ME2: variants seen among roughly 807,000 people sequenced by gnomAD.
ME2 encodes the protein NAD-dependent malic enzyme, mitochondrial.
In ME2, 60 loss-of-function variants were observed where a neutral mutation model predicts 73.7. The ratio of observed to expected loss-of-function variants is 0.81; its 90% confidence interval spans 0.66 to 1.01. The LOEUF (loss-of-function observed/expected upper bound fraction) is 1.01, where lower values mean the gene tolerates loss of function less well. ME2 is among the 50% of genes least tolerant of loss of function. ME2 has a pLI of 0.00. For missense variants in ME2, 594 were observed against 705.5 expected, an observed-to-expected ratio of 0.84 and a Z score of 1.79; for synonymous variants, 199 against 236.9, an observed-to-expected ratio of 0.84 and a Z score of 1.47.
chr18:50,935,655 G>A (rs971189564), intron 13 of ME2: 1 of 149,430 alleles, frequency 6.7e-6, no homozygotes, highest in Non-Finnish European at 1.5e-5. Context: ...AGGAGGCTGA[G>A]ATGGGAAGAT....
chr18:50,896,444 T>G (rs1341340779), intron 2 of ME2, among the ~76,000 whole-genome samples: 4 of 152,182 alleles, frequency 2.6e-5, no homozygotes, highest in Non-Finnish European at 5.9e-5. Context: ...ATAGAGAGAC[T>G]CCTGGCTCTT....
In ME2 at chr18:50,939,539, C is replaced by T. The variant is rs191860283; in HGVS notation, c.1418-31C>T. 28 of 1,463,160 alleles carry T rather than the reference C, an allele frequency of 1.9e-5. No homozygotes were observed. The Admixed American group carries it at 3.9e-4, about 20-fold the overall frequency. 90.6% of individuals were successfully genotyped at this position (1,463,160 alleles called of 1,614,324 possible). ...ACTTCTTTCATAATTTGAAAAGTGA[C>T]CATACTAGTAAACTTTAAAATGTGT... On this transcript the variant is annotated intron_variant, in intron 13 of 15. Coordinates refer to ENST00000321341, the MANE Select transcript of ME2 (RefSeq NM_002396.5).
intron 13 of ME2, chr18:50,939,368 T>C (rs1917891754): frequency 2.1e-6 from 1 of 472,488 alleles, no homozygotes; most frequent in East Asian, 3.4e-5. Flanking sequence ...CCATTTGATA[T>C]TTCTGAAATT....
intron 2 of ME2, among the ~76,000 whole-genome samples, chr18:50,898,892 T>C (rs1314355987): frequency 2.6e-5 from 4 of 152,216 alleles, no homozygotes; most frequent in Non-Finnish European, 4.4e-5. Context: ...ATATAGGTAA[T>C]AGCATTTGGA....
rs775756042 is a variant in ME2 at position 50,908,111 on chromosome 18, C to T, written c.157C>T (p.Leu53Phe). The change falls in exon 3 of 16, where the codon CTT becomes TTT. Residue 53 changes from leucine to phenylalanine, a missense_variant. Transcript: ENST00000321341. ...QERQMLGLQG[L>F]LPPKIETQDI... is the part of the protein sequence containing the mutation. ...ACGACAAATGCTTGGTCTTCAAGGA[C>T]TTCTACCTCCCAAAATAGAGACACA... The T allele has an allele frequency of 3.7e-6, 6 of 1,601,072 alleles. No individual in the cohort carries two copies. The Admixed American group carries it at 1.0e-4, about 27-fold the overall frequency.
intron 12 of ME2, among the ~76,000 whole-genome samples, chr18:50,926,694 C>G (rs1468196617): frequency 6.6e-6 from 1 of 152,130 alleles, no homozygotes; most frequent in Non-Finnish European, 1.5e-5. Context: ...TTTACTATCT[C>G]TCTTGCTTTC....
intron 11 of ME2, among the ~76,000 whole-genome samples, chr18:50,925,401 C>T (rs1234363403): frequency 3.3e-5 from 5 of 152,178 alleles, no homozygotes; most frequent in Non-Finnish European, 7.3e-5. Context: ...ATCACTTGAA[C>T]CCAGGAGGGA....
intron 2 of ME2, among the ~76,000 whole-genome samples, chr18:50,900,658 A>T (rs1197283503): frequency 6.6e-6 from 1 of 152,124 alleles, no homozygotes; most frequent in Admixed American, 6.5e-5. Context: ...CCCAAATCTC[A>T]TCTTGAATTT....
chr18:50,899,814 G>A (rs1485440008), intron 2 of ME2, among the ~76,000 whole-genome samples: 1 of 152,104 alleles, frequency 6.6e-6, no homozygotes. Flanking sequence ...CTCCATTGAG[G>A]ACAATGACCA....
intron 3 of ME2, among the ~76,000 whole-genome samples, chr18:50,911,060 G>C (rs1002019926): frequency 6.6e-6 from 1 of 152,186 alleles, no homozygotes; most frequent in Non-Finnish European, 1.5e-5. Flanking sequence ...GGTGAGTGCT[G>C]CCCATCACTG....
chr18:50,924,027 AATG>A (rs1917485692), intron 10 of ME2, 68 bp from the exon 11 acceptor site: 1 of 943,280 alleles, frequency 1.1e-6, no homozygotes, highest in Non-Finnish European at 1.7e-6. Context: ...TGTAACTCAT[AATG>A]ATGTCTTTTT....
intron 13 of ME2, chr18:50,934,736 A>G (rs1044413297): frequency 2.0e-5 from 3 of 149,832 alleles, no homozygotes; most frequent in Non-Finnish European, 4.5e-5. Flanking sequence ...AAAGCAACTT[A>G]AAAAAAAAAC....
intron 1 of ME2, among the ~76,000 whole-genome samples, chr18:50,887,330 T>C (rs974577062): frequency 1.3e-5 from 2 of 152,108 alleles, no homozygotes; most frequent in Non-Finnish European, 2.9e-5. Context: ...AAAGAACCTA[T>C]AGCAGTGAGC....
intron 5 of ME2, chr18:50,916,670 A>G (rs1250116466): frequency 1.3e-5 from 2 of 152,812 alleles, no homozygotes; most frequent in East Asian, 1.9e-4. Context: ...AAAATGTTAA[A>G]TATAGCAAAT....
At chr18:50,943,786 G>C (rs982239771) in intron 15 of ME2, among the ~76,000 whole-genome samples, 1 of 152,150 alleles carries the variant, frequency 6.6e-6, no homozygotes, top group African/African-American at 2.4e-5. Flanking sequence ...CAAATGCCAG[G>C]CTAAGGAGTA....
Position 50,949,397 on chromosome 18 carries a change from G to C in ME2, c.*2213G>C, listed in dbSNP as rs1236093358. ...AGGGCGGTGGCTGTTCACAGGCGTG[G>C]GTCATAGAGCACTGCAGCCTGGAAC... On this transcript the variant is annotated 3_prime_UTR_variant, in exon 16 of 16. Transcript: ENST00000321341. 1 of 152,248 alleles carries C rather than the reference G, an allele frequency of 6.6e-6. No homozygotes were observed. The highest frequency in any genetic ancestry group is 6.5e-5 in the Admixed American group (1 of 15,278). 9.4% of individuals were successfully genotyped at this position (152,248 alleles called of 1,614,324 possible).
At chr18:50,884,588 C>T (rs1376694568) in intron 1 of ME2, among the ~76,000 whole-genome samples, 5 of 152,150 alleles carry the variant, frequency 3.3e-5, no homozygotes, top group Non-Finnish European at 7.4e-5. Flanking sequence ...CGTCATGTTC[C>T]ACCTGCCTCG....
At chr18:50,942,289 G>T (rs2144271599) in intron 15 of ME2, among the ~76,000 whole-genome samples, 1 of 152,260 alleles carries the variant, frequency 6.6e-6, no homozygotes, top group South Asian at 2.1e-4. Context: ...AATTGAATCT[G>T]TTCCTGGGAT....
At chr18:50,912,749 T>A in intron 3 of ME2, 52 bp from the exon 4 acceptor site, 1 of 1,376,694 alleles carries the variant, frequency 7.3e-7, no homozygotes, top group East Asian at 2.6e-5. Flanking sequence ...AAGCCAAGAC[T>A]TTTAATGTAA....
Sources: gnomAD v4.1 joint callset for allele counts (sites outside exome capture counted in the v4.1 genomes callset) on GRCh38, gnomAD v4.1.1 for gene constraint, MANE v1.5 for transcripts, NCBI Gene and HGNC (gene_info 2026-07-23, HGNC 2026-07-21) for gene names.